The following HSD17B12 variants were observed in gnomAD, a reference collection of about 807,000 sequenced individuals.
HSD17B12 encodes hydroxysteroid 17-beta dehydrogenase 12.
In HSD17B12, 32 loss-of-function variants were observed where a neutral mutation model predicts 39.3. The observed-to-expected ratio is 0.81, with a 90% CI of 0.61 to 1.09. The LOEUF (loss-of-function observed/expected upper bound fraction) is 1.09, where lower values mean the gene tolerates loss of function less well. Ranked by LOEUF, HSD17B12 falls within the 50% of genes least tolerant of loss-of-function variation. The pLI, the probability that HSD17B12 is intolerant of heterozygous loss-of-function variation, is 0.00. For missense variants in HSD17B12, 342 were observed against 382.9 expected, an observed-to-expected ratio of 0.89 and a Z score of 0.89; for synonymous variants, 150 against 146.7, an observed-to-expected ratio of 1.02 and a Z score of -0.16.
At chr11:43,678,277 GTTGT>G (rs1320133184), upstream of HSD17B12, among the ~76,000 whole-genome samples, 10 of 152,148 alleles carry the variant, frequency 6.6e-5, no homozygotes, top group East Asian at 5.8e-4. Context: ...TGTTGATGGG[GTTGT>G]TTGTTTTTTT....
rs182739857 is a variant in HSD17B12, at chr11:43,733,577, A to G, written c.161-17334A>G. 2.0e-5 allele frequency among the ~76,000 whole-genome samples: 3 copies of G among 152,346 alleles called. No individual in the cohort carries two copies. The East Asian group carries it at 5.8e-4, about 29-fold the overall frequency. On this transcript the variant is annotated intron_variant, in intron 1 of 10. Coordinates refer to ENST00000278353, the MANE Select transcript of HSD17B12 (RefSeq NM_016142.3). ...TAGTGTAAATTGAGTGATACATTGAATAGTTTTACTTCCCAAATTCAAGGA... is the reference window on the plus strand; with the variant it reads ...TAGTGTAAATTGAGTGATACATTGAGTAGTTTTACTTCCCAAATTCAAGGA...
chr11:43,680,721 G>C (rs185350380), upstream of HSD17B12: 207 of 997,296 alleles, frequency 2.1e-4, no homozygotes, highest in African/African-American at 2.7e-3. Context: ...AGTGGTGTCG[G>C]AGCAGCGCCT....
the HSD17B12 span, among the ~76,000 whole-genome samples, chr11:43,576,082 G>A: frequency 1.3e-5 from 2 of 152,184 alleles, no homozygotes; most frequent in Admixed American, 1.3e-4. Context: ...TCAGCATGTA[G>A]GGAATCTGAT....
At chr11:43,715,519 T>C (rs942790229) in intron 1 of HSD17B12, among the ~76,000 whole-genome samples, 4 of 152,308 alleles carry the variant, frequency 2.6e-5, no homozygotes, top group South Asian at 2.1e-4. Context: ...CTGCTGGATT[T>C]GGTTTGCCAG....
At chr11:43,563,938 G>T in the HSD17B12 span, among the ~76,000 whole-genome samples, 1 of 151,228 alleles carries the variant, frequency 6.6e-6, no homozygotes, top group African/African-American at 2.4e-5. Context: ...TTTTAGAGAT[G>T]AGGTCTTGCT....
chr11:43,799,296 G>A (rs962978753), intron 4 of HSD17B12, among the ~76,000 whole-genome samples: 2 of 152,024 alleles, frequency 1.3e-5, no homozygotes, highest in Non-Finnish European at 2.9e-5. Context: ...CTACTCTGTG[G>A]AGCTCTGCCC....
chr11:43,619,198 G>GAT, the HSD17B12 span, among the ~76,000 whole-genome samples: 46 of 42,338 alleles, frequency 1.1e-3, 1 homozygote, highest in African/African-American at 1.8e-3. Context: ...ATATATATAT[G>GAT]ATATATATAT....
chr11:43,580,091 A>G, the HSD17B12 span, among the ~76,000 whole-genome samples: 3 of 145,932 alleles, frequency 2.1e-5, no homozygotes, highest in African/African-American at 2.5e-5. Context: ...GCAGGAGAGG[A>G]TGTGGGAAGG....
At chr11:43,746,619 AAGG>A (rs1950414893) in intron 1 of HSD17B12, among the ~76,000 whole-genome samples, 2 of 152,362 alleles carry the variant, frequency 1.3e-5, no homozygotes, top group East Asian at 3.9e-4. Flanking sequence ...TGTAAAGCAG[AAGG>A]AGTATACTCT....
At chr11:43,731,701 C>A (rs749921918) in intron 1 of HSD17B12, among the ~76,000 whole-genome samples, 12 of 152,188 alleles carry the variant, frequency 7.9e-5, no homozygotes, top group Non-Finnish European at 1.5e-4. Context: ...GAAACAGATA[C>A]TTCCAGGGAG....
chr11:43,676,365 T>G (rs1392141257), upstream of HSD17B12, among the ~76,000 whole-genome samples: 4 of 152,178 alleles, frequency 2.6e-5, no homozygotes, highest in African/African-American at 9.7e-5. Flanking sequence ...AAGCAGAAGT[T>G]GAGCCTGGAC....
chr11:43,658,767 C>T, the HSD17B12 span, among the ~76,000 whole-genome samples: 7 of 152,268 alleles, frequency 4.6e-5, no homozygotes, highest in South Asian at 6.2e-4. Flanking sequence ...TTGTCTCAGA[C>T]GAGTACCCGG....
At chr11:43,666,646 A>T in the HSD17B12 span, among the ~76,000 whole-genome samples, 153 of 152,314 alleles carry the variant, frequency 1.0e-3, no homozygotes, top group African/African-American at 3.6e-3. Flanking sequence ...GTTTGAAAGA[A>T]GATTTTGAGG....
intron 1 of HSD17B12, among the ~76,000 whole-genome samples, chr11:43,736,945 C>T (rs1183337209): frequency 6.6e-6 from 1 of 152,146 alleles, no homozygotes; most frequent in Non-Finnish European, 1.5e-5. Context: ...AATTTTCTTT[C>T]CATGTAATAG....
At chr11:43,638,204 T>G in the HSD17B12 span, among the ~76,000 whole-genome samples, 141 of 152,304 alleles carry the variant, frequency 9.3e-4, 1 homozygote, top group African/African-American at 3.3e-3. Context: ...CCTTGGAGAT[T>G]GTCTGGTACA....
chr11:43,781,687 G>T (rs1332202915), intron 3 of HSD17B12, among the ~76,000 whole-genome samples: 1 of 151,858 alleles, frequency 6.6e-6, no homozygotes, highest in Non-Finnish European at 1.5e-5. Flanking sequence ...AGAATATTTT[G>T]CCAACAATTT....
At chr11:43,688,964 T>G (rs1168919437) in intron 1 of HSD17B12, among the ~76,000 whole-genome samples, 3 of 152,182 alleles carry the variant, frequency 2.0e-5, no homozygotes, top group Non-Finnish European at 1.5e-5. Context: ...ATTACTCTTA[T>G]TGGATGAAAA....
the HSD17B12 span, among the ~76,000 whole-genome samples, chr11:43,580,600 T>C: frequency 9.9e-5 from 15 of 152,096 alleles, no homozygotes; most frequent in East Asian, 2.9e-3. Flanking sequence ...TCTTTGTCAT[T>C]TTTCGTCTGG....
At chr11:43,581,087 G>T in the HSD17B12 span, among the ~76,000 whole-genome samples, 2 of 152,166 alleles carry the variant, frequency 1.3e-5, no homozygotes, top group East Asian at 1.9e-4. The surrounding 1 kb of genome is among the most constrained non-coding windows in gnomAD (Gnocchi z 4.9). Context: ...GGATAGGACA[G>T]GCAGGCGGGG....
Sources: allele counts gnomAD v4.1 joint callset (sites outside exome capture counted in the v4.1 genomes callset), GRCh38; gene constraint gnomAD v4.1.1; non-coding constraint Gnocchi (gnomAD v3.1); transcripts MANE v1.5; gene names NCBI Gene and HGNC (gene_info 2026-07-23, HGNC 2026-07-21).